The following CFAP47 variants were observed in gnomAD, a reference collection of about 807,000 sequenced individuals.
CFAP47 encodes the protein cilia and flagella associated protein 47.
A neutral mutation model predicts 148.1 loss-of-function variants in CFAP47; 29 were observed. The observed-to-expected ratio is 0.20, with a 90% CI of 0.15 to 0.27. CFAP47 has a LOEUF of 0.27. Among genes scored for constraint, CFAP47 ranks in the 10% least tolerant of loss-of-function variants. CFAP47 has a pLI of 1.00. For synonymous variants in CFAP47, 664 were observed against 577.3 expected (o/e 1.15, Z -2.15); for missense variants, 1,872 against 1,697.5 (o/e 1.10, Z -1.81).
Position 36,381,791 on chromosome X carries a change from G to A in CFAP47, c.9354+2273G>A, listed in dbSNP as rs932038017. ...CAGAATTATCTAACATAAAATATAT[G>A]ATGCTTTATCTTTATACTTATATAA... On this transcript the variant is annotated intron_variant, in intron 63 of 63. Transcript: ENST00000378653. Among the ~76,000 whole-genome samples the A allele has an allele frequency of 2.7e-5, 3 of 109,753 alleles. No homozygotes were observed. The South Asian group carries it at 1.1e-3, about 42-fold the overall frequency.
intron 16 of CFAP47, 93 bp from the exon 17 acceptor site, chrX:35,991,728 A>T: frequency 3.6e-6 from 1 of 280,153 alleles, no homozygotes; most frequent in Non-Finnish European, 6.3e-6. Flanking sequence ...ATATATTCAA[A>T]ATTAGAATAT....
intron 39 of CFAP47, among the ~76,000 whole-genome samples, chrX:36,169,952 G>C (rs1306624145): frequency 8.9e-6 from 1 of 111,997 alleles, no homozygotes; most frequent in Non-Finnish European, 1.9e-5. Context: ...AGACAGGATA[G>C]ATAAAAACAG....
chrX:36,182,415 T>G (rs1939760822), intron 40 of CFAP47, among the ~76,000 whole-genome samples: 1 of 112,243 alleles, frequency 8.9e-6, no homozygotes, highest in African/African-American at 3.2e-5. Context: ...CAAAGACTTT[T>G]ATCCGCAAGT....
rs779661346 is a variant in CFAP47 at position 35,924,406 on chromosome X, CAT to C, written c.250-1608_250-1607del. 9.6e-4 allele frequency among the ~76,000 whole-genome samples: 96 copies of C among 99,746 alleles called. 1 individual carries two copies. The Middle Eastern group carries it at 0.016, about 17-fold the overall frequency. The allele number at this position is 99,746 out of a possible 115,157, so 86.6% of individuals were successfully genotyped here. A position where few individuals can be genotyped will look rare whatever the true frequency, so the allele number is the denominator to read the frequency against. ...ACACATATGTGTATATATGCACACA[CAT>C]ATGTGTATATGCACACATATGTGTA... On this transcript the variant is annotated intron_variant, in intron 1 of 63. Transcript: ENST00000378653.
chrX:36,302,771 G>A (rs1556008044), intron 53 of CFAP47, among the ~76,000 whole-genome samples: 2 of 111,853 alleles, frequency 1.8e-5, no homozygotes, highest in African/African-American at 6.5e-5. Context: ...TCTTGTTAAT[G>A]TTCTCAATGA....
chrX:36,052,670 T>G (rs2146739773), intron 26 of CFAP47, among the ~76,000 whole-genome samples: 1 of 112,383 alleles, frequency 8.9e-6, no homozygotes, highest in East Asian at 2.8e-4. Flanking sequence ...ATCAACCATG[T>G]TATGGGTTTA....
chrX:36,108,940 C>T (rs1415833878), intron 33 of CFAP47, among the ~76,000 whole-genome samples: 2 of 110,486 alleles, frequency 1.8e-5, no homozygotes, highest in African/African-American at 6.6e-5. Flanking sequence ...TCTTCTGATG[C>T]TCTCCCTCCT....
At chrX:36,285,921 G>C (rs1300573335) in intron 51 of CFAP47, among the ~76,000 whole-genome samples, 195 bp downstream of exon 51, 1 of 111,622 alleles carries the variant, frequency 9.0e-6, no homozygotes, top group Non-Finnish European at 1.9e-5. Flanking sequence ...ACATCTTTTA[G>C]TTATATGTTA....
intron 37 of CFAP47, among the ~76,000 whole-genome samples, chrX:36,153,428 T>C (rs957945977): frequency 8.9e-6 from 1 of 112,051 alleles, no homozygotes; most frequent in Non-Finnish European, 1.9e-5. Flanking sequence ...TCTGAGAACA[T>C]GTCAGTTCTC....
At chrX:36,320,681 A>G (rs1159061469) in intron 57 of CFAP47, among the ~76,000 whole-genome samples, 2 of 112,338 alleles carry the variant, frequency 1.8e-5, no homozygotes, top group African/African-American at 6.5e-5. Flanking sequence ...AATATGTTCA[A>G]TGTCACTAAT....
chrX:36,095,999 C>A (rs1033862377), intron 30 of CFAP47, among the ~76,000 whole-genome samples: 2 of 110,047 alleles, frequency 1.8e-5, no homozygotes, highest in Non-Finnish European at 3.8e-5. Context: ...CAGCTATAAA[C>A]TTCCCTCTTA....
intron 48 of CFAP47, among the ~76,000 whole-genome samples, chrX:36,248,151 C>T (rs1248939442): frequency 1.9e-5 from 2 of 105,314 alleles, no homozygotes; most frequent in Non-Finnish European, 3.9e-5. Context: ...ATATTATACA[C>T]ATATCATATA....
At chrX:36,055,603 G>T (rs1601951112) in intron 26 of CFAP47, among the ~76,000 whole-genome samples, 1 of 111,841 alleles carries the variant, frequency 8.9e-6, no homozygotes, top group African/African-American at 3.3e-5. Context: ...CCATGTCTTT[G>T]CTATTGTGAA....
intron 33 of CFAP47, among the ~76,000 whole-genome samples, chrX:36,111,990 CTCTT>C (rs772037923): frequency 1.8e-5 from 2 of 111,500 alleles, no homozygotes; most frequent in East Asian, 5.6e-4. Flanking sequence ...CAGATCTTCT[CTCTT>C]GTCTTCTTTA....
chrX:35,963,726 C>T (rs1422517262), intron 8 of CFAP47, among the ~76,000 whole-genome samples: 6 of 110,844 alleles, frequency 5.4e-5, no homozygotes, highest in Admixed American at 1.9e-4. Context: ...ATTTATTTTA[C>T]GAAACTTTAA....
Position 36,093,770 on chromosome X carries a change from G to A in CFAP47, c.4917-5023G>A, listed in dbSNP as rs951309020. The stretch of plus-strand genomic sequence containing the variant: ...TATTTTTCTACAGAGTTGTTTGAGC[G>A]CCTTATATATTCTGGTTATCAACCC... On this transcript the variant is annotated intron_variant, in intron 30 of 63. Transcript: ENST00000378653. Among the ~76,000 whole-genome samples, 9 of 111,081 alleles carry A rather than the reference G, an allele frequency of 8.1e-5. No individual in the cohort carries two copies. In the East Asian group the frequency reaches 1.1e-3, roughly 14 times the overall value.
At chrX:36,380,537 G>A (rs1413304444) in intron 63 of CFAP47, among the ~76,000 whole-genome samples, 6 of 111,800 alleles carry the variant, frequency 5.4e-5, no homozygotes, top group African/African-American at 2.0e-4. Flanking sequence ...TCTGCCTAAC[G>A]GGTTCACGCC....
intron 49 of CFAP47, among the ~76,000 whole-genome samples, chrX:36,271,674 G>C (rs5973630): frequency 0.11 from 12,113 of 111,554 alleles, 891 homozygotes; most frequent in African/African-American, 0.26. Context: ...CATAACATAT[G>C]TAAACAGGAC....
intron 33 of CFAP47, among the ~76,000 whole-genome samples, chrX:36,121,052 G>T (rs1270296614): frequency 9.0e-6 from 1 of 111,244 alleles, no homozygotes; most frequent in Non-Finnish European, 1.9e-5. Context: ...CTAGTGTTTG[G>T]TGCATATATA....
Sources: allele counts gnomAD v4.1 joint callset (sites outside exome capture counted in the v4.1 genomes callset), GRCh38; gene constraint gnomAD v4.1.1; transcripts MANE v1.5; gene names NCBI Gene and HGNC (gene_info 2026-07-23, HGNC 2026-07-21).